Variants in PCYT1B observed in about 807,000 individuals in gnomAD.
The protein encoded by PCYT1B is phosphate cytidylyltransferase 1B, choline, also known as choline-phosphate cytidylyltransferase B.
Under a neutral mutation model 26.4 loss-of-function variants are expected in PCYT1B, and 10 were observed. The ratio of observed to expected loss-of-function variants is 0.38; its 90% confidence interval spans 0.23 to 0.64. PCYT1B has a LOEUF of 0.64. PCYT1B is among the 30% of genes least tolerant of loss of function. The pLI is 0.56. For synonymous variants in PCYT1B, 131 were observed against 108.4 expected (o/e 1.21, Z -1.29); for missense variants, 161 against 292.7 (o/e 0.55, Z 3.28).
At position 24,597,133 on chromosome X, in the gene PCYT1B, T is replaced by A. The variant is rs1353788834; in HGVS notation, c.335-6959A>T. 2.4e-4 allele frequency among the ~76,000 whole-genome samples: 26 copies of A among 109,107 alleles called. No homozygotes were observed. In the Admixed American group the frequency reaches 2.5e-3, roughly 11 times the overall value. 94.7% of individuals were successfully genotyped at this position (109,107 alleles called of 115,157 possible). ...AGACTTTTCTTTTTTCTTTTCTTTT[T>A]TTTTTTTTTGAGATGGAGTCTCGCT... On this transcript the variant is annotated intron_variant, in intron 3 of 7. Coordinates refer to ENST00000379144, the MANE Select transcript of PCYT1B (RefSeq NM_004845.5).
chrX:24,654,100 C>CTTT (rs35924266), intron 1 of PCYT1B, among the ~76,000 whole-genome samples: 4 of 33,107 alleles, frequency 1.2e-4, no homozygotes, highest in Admixed American at 5.2e-4. Flanking sequence ...TTCTTTCTTT[C>CTTT]TTTTTTTTTT....
chrX:24,632,679 T>C (rs1489601124), intron 1 of PCYT1B: 4 of 113,167 alleles, frequency 3.5e-5, no homozygotes, highest in Non-Finnish European at 5.6e-5. Flanking sequence ...TACTGCATGT[T>C]CTCACTCATA....
At chrX:24,631,736 C>T (rs2148263899) in intron 1 of PCYT1B, among the ~76,000 whole-genome samples, 1 of 111,767 alleles carries the variant, frequency 8.9e-6, no homozygotes, top group East Asian at 2.8e-4. Flanking sequence ...GAGGCCAAGG[C>T]GGGCGGATCA....
chrX:24,618,250 A>G (rs986105197), intron 2 of PCYT1B, among the ~76,000 whole-genome samples: 6 of 112,484 alleles, frequency 5.3e-5, no homozygotes, highest in African/African-American at 1.6e-4. Flanking sequence ...TAAAAAATGC[A>G]TACTTTTAAG....
In PCYT1B at chrX:24,564,723, C is replaced by T. The variant is rs781052634; in HGVS notation, c.898-2218G>A. Among the ~76,000 whole-genome samples, 3 of 111,413 alleles carry T rather than the reference C, an allele frequency of 2.7e-5. No homozygotes were observed. In the South Asian group the frequency reaches 1.1e-3, roughly 43 times the overall value. On this transcript the variant is annotated intron_variant, in intron 7 of 7. Transcript: ENST00000379144. Reference sequence around the variant, plus strand: ...CAATCAAGGCATAGGAGGGTCCCATCAGCTCCCAAATTCCCTCATGACCCT... The same window carrying T: ...CAATCAAGGCATAGGAGGGTCCCATTAGCTCCCAAATTCCCTCATGACCCT...
At chrX:24,565,984 A>G (rs1447045601) in intron 7 of PCYT1B, among the ~76,000 whole-genome samples, 1 of 111,906 alleles carries the variant, frequency 8.9e-6, no homozygotes, top group Non-Finnish European at 1.9e-5. Context: ...TGAGCTAGAA[A>G]AACTGTTCAG....
chrX:24,670,084 GAAAGAAAGAAAGA>G (rs1927213905), intron 1 of PCYT1B, among the ~76,000 whole-genome samples: 2 of 86,226 alleles, frequency 2.3e-5, no homozygotes, highest in Admixed American at 1.4e-4. Context: ...AAGAAAGAAA[GAAAGAAAGAAAGA>G]AAGAAAGAAA....
At chrX:24,575,636 G>A (rs1923990821) in intron 6 of PCYT1B, among the ~76,000 whole-genome samples, 1 of 112,511 alleles carries the variant, frequency 8.9e-6, no homozygotes, top group Non-Finnish European at 1.9e-5. Flanking sequence ...CTTTTGTTGT[G>A]CATAGATATT....
chrX:24,651,671 C>T (rs1188515880), upstream of PCYT1B, among the ~76,000 whole-genome samples: 3 of 103,642 alleles, frequency 2.9e-5, no homozygotes, highest in African/African-American at 7.0e-5. Flanking sequence ...CTACAGGACA[C>T]GCAACCACGC....
chrX:24,588,378 T>C (rs894135319), intron 4 of PCYT1B, among the ~76,000 whole-genome samples: 1 of 111,546 alleles, frequency 9.0e-6, no homozygotes, highest in Non-Finnish European at 1.9e-5. Context: ...TTTTTGTTTT[T>C]TTCTGGTCAT....
At chrX:24,657,674 C>G (rs1015178516) in intron 1 of PCYT1B, among the ~76,000 whole-genome samples, 1 of 111,710 alleles carries the variant, frequency 9.0e-6, no homozygotes, top group African/African-American at 3.3e-5. Flanking sequence ...CCAAGCTACG[C>G]CCAGTATGAA....
rs913997475 is a variant in PCYT1B at position 24,560,997 on chromosome X, C to T, written c.*1296G>A. 8.9e-6 allele frequency: 1 copy of T among 112,437 alleles called. No homozygotes were observed. The highest frequency in any genetic ancestry group is 9.4e-5 in the Admixed American group (1 of 10,590). 9.3% of individuals were successfully genotyped at this position (112,437 alleles called of 1,213,427 possible). On this transcript the variant is annotated 3_prime_UTR_variant, in exon 8 of 8. Coordinates refer to ENST00000379144, the MANE Select transcript of PCYT1B (RefSeq NM_004845.5). ...GGGCCAGAGATAATGGTGATACTAC[C>T]TAGACCATTCAGATGCTGAGATCAT...
intron 3 of PCYT1B, among the ~76,000 whole-genome samples, chrX:24,593,989 G>C (rs1430958064): frequency 3.6e-5 from 4 of 110,924 alleles, no homozygotes; most frequent in Non-Finnish European, 7.5e-5. Context: ...CATATGTCTG[G>C]CCTGAAAACT....
intron 5 of PCYT1B, among the ~76,000 whole-genome samples, chrX:24,586,510 G>A (rs901902867): frequency 8.9e-6 from 1 of 112,145 alleles, no homozygotes; most frequent in Non-Finnish European, 1.9e-5. Context: ...GAGTGGGGAA[G>A]ATGGCTCTGA....
In PCYT1B at chrX:24,560,667, G is replaced by C. The variant is rs754311295; in HGVS notation, c.*1626C>G. ...GTTCAACCCCAACAAGAAGGGGAAA[G>C]ACATGCCGCCTTCCTTCACTGGTTG... On this transcript the variant is annotated 3_prime_UTR_variant, in exon 8 of 8. Coordinates refer to ENST00000379144, the MANE Select transcript of PCYT1B (RefSeq NM_004845.5). The C allele has an allele frequency of 8.1e-5, 9 of 111,427 alleles. No individual in the cohort carries two copies. Among genetic ancestry groups the C allele is most frequent in the African/African-American group, 2.9e-4 (9 of 30,514 alleles). The allele number at this position is 111,427 out of a possible 1,213,427, so 9.2% of individuals were successfully genotyped here.
chrX:24,651,432 G>A (rs1273501394), upstream of PCYT1B, among the ~76,000 whole-genome samples: 2 of 74,310 alleles, frequency 2.7e-5, no homozygotes, highest in African/African-American at 1.1e-4. Flanking sequence ...TCCAGCCTGG[G>A]CAACAGAGCG....
At chrX:24,566,156 TG>T (rs922696770) in intron 7 of PCYT1B, among the ~76,000 whole-genome samples, 1 of 112,312 alleles carries the variant, frequency 8.9e-6, no homozygotes, top group Non-Finnish European at 1.9e-5. Context: ...GCCTTTCTGA[TG>T]GGGAATTTGG....
At chrX:24,571,440 A>G (rs761015942) in intron 7 of PCYT1B, among the ~76,000 whole-genome samples, 21 of 111,811 alleles carry the variant, frequency 1.9e-4, no homozygotes, top group Non-Finnish European at 3.6e-4. Flanking sequence ...ACATTGAAAA[A>G]AGAATTCAAC....
intron 2 of PCYT1B, 127 bp from the exon 3 acceptor site, chrX:24,607,988 A>C (rs1925190962): frequency 2.3e-6 from 1 of 431,005 alleles, no homozygotes; most frequent in African/African-American, 2.5e-5. Context: ...ATATCAGTGC[A>C]CGAAATTGAT....
Sources: allele counts gnomAD v4.1 joint callset (sites outside exome capture counted in the v4.1 genomes callset), GRCh38; gene constraint gnomAD v4.1.1; transcripts MANE v1.5; gene names NCBI Gene and HGNC (gene_info 2026-07-23, HGNC 2026-07-21).